The following DMAC2L variants were observed in gnomAD, a reference collection of about 807,000 sequenced individuals.
The protein encoded by DMAC2L is distal membrane arm assembly component 2 like.
Under a neutral mutation model 22.5 loss-of-function variants are expected in DMAC2L, and 21 were observed. The ratio of observed to expected loss-of-function variants is 0.93; its 90% CI spans 0.66 to 1.34. DMAC2L has a LOEUF of 1.34. Among genes scored for constraint, DMAC2L ranks in the 40% most tolerant of loss-of-function variants. The pLI is 0.00. For synonymous variants in DMAC2L, 86 were observed against 89.5 expected (o/e 0.96, Z 0.22); for missense variants, 239 against 246.5 (o/e 0.97, Z 0.20).
chr14:50,322,790 C>G, intron 4 of DMAC2L, 71 bp downstream of exon 4: 1 of 1,604,922 alleles, frequency 6.2e-7, no homozygotes, highest in Non-Finnish European at 8.5e-7. Context: ...GCAGTTGACT[C>G]ACGATTATAG....
intron 5 of DMAC2L, chr14:50,324,412 CT>C (rs759423554): frequency 3.2e-4 from 56 of 177,200 alleles, no homozygotes; most frequent in South Asian, 6.9e-4. Context: ...GCTTTCTCTC[CT>C]TTTTTTTTAA....
intron 2 of DMAC2L, among the ~76,000 whole-genome samples, chr14:50,316,202 T>C (rs61981879): frequency 0.097 from 14,830 of 152,264 alleles, 852 homozygotes; most frequent in Middle Eastern, 0.14. Context: ...GCCATTCATA[T>C]ATCTTCTTTT....
chr14:50,323,890 CA>C (rs2032498910), intron 4 of DMAC2L, 54 bp from the exon 5 acceptor site: 18 of 1,464,324 alleles, frequency 1.2e-5, no homozygotes, highest in Non-Finnish European at 1.7e-5. Context: ...CAAACCAGGA[CA>C]GTTTGTCATC....
At chr14:50,316,400 T>C (rs1287953515) in intron 2 of DMAC2L, among the ~76,000 whole-genome samples, 2 of 152,176 alleles carry the variant, frequency 1.3e-5, no homozygotes, top group Non-Finnish European at 2.9e-5. Context: ...AAAAGCTCTT[T>C]AGTCCCAACT....
rs150215465 is a variant in DMAC2L, at chr14:50,324,932, C to T, written c.489-677C>T. Among the ~76,000 whole-genome samples the T allele has an allele frequency of 2.4e-3, 364 of 152,190 alleles. 1 individual carries two copies. In the Middle Eastern group the frequency reaches 0.065, roughly 27 times the overall value. On this transcript the variant is annotated intron_variant, in intron 5 of 5. Coordinates refer to ENST00000557421, the MANE Select transcript of DMAC2L (RefSeq NM_001382507.1). ...CTGGGATTAAAGGCGTGCACCACCA[C>T]GCCCGGCTAATGTTTGTATTTTCAG...
chr14:50,313,701 A>G (rs2031483535), intron 1 of DMAC2L, among the ~76,000 whole-genome samples: 3 of 152,212 alleles, frequency 2.0e-5, no homozygotes, highest in Admixed American at 1.3e-4. Flanking sequence ...CAACCAGGTA[A>G]TTGACATTCA....
upstream of DMAC2L, chr14:50,312,029 C>T (rs973194152): frequency 4.2e-5 from 66 of 1,575,112 alleles, no homozygotes; most frequent in Non-Finnish European, 5.5e-5. Context: ...GGCGCTGCGG[C>T]TACCTCCACA....
chr14:50,312,573 C>T lies in DMAC2L; in HGVS notation c.-42+184C>T, dbSNP rs1457187106. ...TCTGGGCGGGATTACGGTGAAAATT[C>T]TTGTTTGGGCGGGCCCTGCGGCTTC... On this transcript the variant is annotated intron_variant, in intron 1 of 5. Transcript: ENST00000557421. 3 of 278,914 alleles carry T rather than the reference C, an allele frequency of 1.1e-5. No individual in the cohort carries two copies. The East Asian group carries it at 2.9e-4, about 27-fold the overall frequency. 17.3% of individuals were successfully genotyped at this position (278,914 alleles called of 1,614,324 possible).
At chr14:50,319,790 T>C (rs1350349842) in intron 2 of DMAC2L, among the ~76,000 whole-genome samples, 1 of 152,206 alleles carries the variant, frequency 6.6e-6, no homozygotes, top group East Asian at 1.9e-4. Context: ...CCTATAACCC[T>C]GTTCTCCTAA....
chr14:50,316,075 T>A (rs1004888756), intron 2 of DMAC2L, among the ~76,000 whole-genome samples: 7 of 152,240 alleles, frequency 4.6e-5, no homozygotes, highest in Admixed American at 3.9e-4. Flanking sequence ...CATCTATTTT[T>A]TTTTAATTTT....
At chr14:50,322,226 A>G (rs765017091) in intron 3 of DMAC2L, among the ~76,000 whole-genome samples, 1 of 152,256 alleles carries the variant, frequency 6.6e-6, no homozygotes, top group Non-Finnish European at 1.5e-5. Flanking sequence ...GCACTGTACT[A>G]TATGTGAATC....
chr14:50,323,095 T>A lies in DMAC2L; in HGVS notation c.316+376T>A, dbSNP rs2032420010. ...CATTTTTTTTTCTTTCTTTCTTTTT[T>A]TTTTTTTTGAGACAGAGTCTTGCTC... On this transcript the variant is annotated intron_variant, in intron 4 of 5. Coordinates refer to ENST00000557421, the MANE Select transcript of DMAC2L (RefSeq NM_001382507.1). 4 of 933,874 alleles carry A rather than the reference T, an allele frequency of 4.3e-6. No homozygotes were observed. In the South Asian group the frequency reaches 1.5e-4, roughly 35 times the overall value. 57.8% of individuals were successfully genotyped at this position (933,874 alleles called of 1,614,324 possible). A position where few individuals can be genotyped will look rare whatever the true frequency, so the allele number is the denominator to read the frequency against.
At chr14:50,319,609 G>T (rs745922824) in intron 2 of DMAC2L, among the ~76,000 whole-genome samples, 1 of 152,110 alleles carries the variant, frequency 6.6e-6, no homozygotes, top group Admixed American at 6.6e-5. Context: ...TAATATCAGG[G>T]CTTCAGTTTC....
At chr14:50,320,658 AC>A (rs1172902038) in intron 2 of DMAC2L, among the ~76,000 whole-genome samples, 1 of 152,082 alleles carries the variant, frequency 6.6e-6, no homozygotes, top group Non-Finnish European at 1.5e-5. Flanking sequence ...ACTTATTTTA[AC>A]TACTTGATAA....
chr14:50,327,362 A>G lies in DMAC2L; in HGVS notation c.*1639A>G, dbSNP rs2032745023. On this transcript the variant is annotated 3_prime_UTR_variant, in exon 6 of 6. Transcript: ENST00000557421. The stretch of plus-strand genomic sequence containing the variant: ...AAAAAAAAAAAAAAGTGAAAAATAG[A>G]TAAAACAGGTCTTCATTGTTACCTG... The G allele has an allele frequency of 6.6e-6, 1 of 150,830 alleles. No homozygotes were observed. Among genetic ancestry groups the G allele is most frequent in the Admixed American group, 6.6e-5 (1 of 15,154 alleles). The allele number at this position is 150,830 out of a possible 1,614,324, so 9.3% of individuals were successfully genotyped here. A position where few individuals can be genotyped will look rare whatever the true frequency, so the allele number is the denominator to read the frequency against.
At chr14:50,319,741 G>C (rs2032109359) in intron 2 of DMAC2L, among the ~76,000 whole-genome samples, 1 of 152,094 alleles carries the variant, frequency 6.6e-6, no homozygotes, top group South Asian at 2.1e-4. Context: ...CTAACACTTA[G>C]TATGTAGATT....
intron 2 of DMAC2L, among the ~76,000 whole-genome samples, chr14:50,318,250 T>C (rs1265744325): frequency 1.3e-5 from 2 of 152,246 alleles, no homozygotes; most frequent in Non-Finnish European, 2.9e-5. Context: ...CAAAGGCAAC[T>C]GTTTGGACTC....
chr14:50,324,002 A>C lies in DMAC2L; in HGVS notation c.374A>C (p.Asp125Ala). The change falls in exon 5 of 6, where the codon GAC (aspartate) becomes GCC (alanine). Residue 125 changes from aspartate to alanine, a missense_variant. Physicochemically the swap from Asp to Ala is moderately radical, Grantham distance 126. Transcript: ENST00000557421. ...TGCAAGTGTCATTATATCGAGGATG[A>C]CTGTTTGCTGAGACTTAGTCAACTT... Reference protein sequence around the residue: ...RLCKCHYIEDDCLLRLSQLEN... With the variant: ...RLCKCHYIEDACLLRLSQLEN... 1 of 1,614,068 alleles carries C rather than the reference A, an allele frequency of 6.2e-7. No homozygotes were observed. The highest frequency in any genetic ancestry group is 8.5e-7 in the Non-Finnish European group (1 of 1,179,964).
At chr14:50,322,383 A>AGTAC in intron 3 of DMAC2L, 128 bp from the exon 4 acceptor site, 1 of 995,868 alleles carries the variant, frequency 1.0e-6, no homozygotes, top group Non-Finnish European at 1.4e-6. Context: ...GGATCTCACT[A>AGTAC]ATTTATCTTC....
Sources: gnomAD v4.1 joint callset for allele counts (sites outside exome capture counted in the v4.1 genomes callset) on GRCh38, gnomAD v4.1.1 for gene constraint, MANE v1.5 for transcripts, NCBI Gene and HGNC (gene_info 2026-07-23, HGNC 2026-07-21) for gene names.